Variants in CAPN3 observed in about 807,000 individuals in gnomAD.
The protein encoded by CAPN3 is calpain 3.
A neutral mutation model predicts 114.0 loss-of-function variants in CAPN3; 88 were observed. The ratio of observed to expected loss-of-function variants is 0.77; its 90% CI spans 0.65 to 0.92. The LOEUF (loss-of-function observed/expected upper bound fraction) is 0.92. CAPN3 is among the 40% of genes least tolerant of loss of function. The pLI, the probability that CAPN3 is intolerant of heterozygous loss-of-function variation, is 0.00. For missense variants in CAPN3, 1,028 were observed against 1,069.0 expected (o/e 0.96, Z 0.53); for synonymous variants, 386 against 382.9 (o/e 1.01, Z -0.09).
rs1595827007 is a variant in CAPN3, at chr15:42,392,862, C to T, written c.1029+140C>T. On this transcript the variant is annotated intron_variant, in intron 7 of 23. Transcript: ENST00000397163. ...CATTCAGTTCAAGGTCCAAGCCACGCCTGGGAGCAGAGGGGCCTGTGAAAC... is the reference window on the plus strand; with the variant it reads ...CATTCAGTTCAAGGTCCAAGCCACGTCTGGGAGCAGAGGGGCCTGTGAAAC... The T allele has an allele frequency of 1.8e-5, 12 of 657,290 alleles. No homozygotes were observed. In the East Asian group the frequency reaches 3.3e-4, roughly 18 times the overall value. 40.7% of individuals were successfully genotyped at this position (657,290 alleles called of 1,614,324 possible).
At chr15:42,402,758 G>A in intron 12 of CAPN3, 36 bp from the exon 13 acceptor site, 1 of 1,606,032 alleles carries the variant, frequency 6.2e-7, no homozygotes, top group Non-Finnish European at 8.5e-7. Context: ...TTCCTCCCGA[G>A]GGGCTCATGT....
At chr15:42,396,232 C>T (rs1307783280) in intron 8 of CAPN3, among the ~76,000 whole-genome samples, 1 of 150,992 alleles carries the variant, frequency 6.6e-6, no homozygotes, top group African/African-American at 2.5e-5. Context: ...TTGTCTATGT[C>T]CAGAACCCAT....
intron 1 of CAPN3, among the ~76,000 whole-genome samples, chr15:42,373,700 A>C (rs2053014535): frequency 6.6e-6 from 1 of 152,202 alleles, no homozygotes. Flanking sequence ...TTCCATCTGC[A>C]GTCAAGTTAC....
intron 3 of CAPN3, among the ~76,000 whole-genome samples, chr15:42,387,012 A>G (rs1398954636): frequency 6.6e-6 from 1 of 152,118 alleles, no homozygotes; most frequent in East Asian, 1.9e-4. Flanking sequence ...TCAGCACGGA[A>G]GGCCTCAGAA....
At chr15:42,399,427 G>T in intron 9 of CAPN3, 65 bp from the exon 10 acceptor site, 1 of 1,230,838 alleles carries the variant, frequency 8.1e-7, no homozygotes, top group Non-Finnish European at 1.2e-6. Context: ...TAGTCCTGGG[G>T]TCTTCCGTTC....
rs566163580 is a variant in CAPN3, at chr15:42,390,915, C to T, written c.945+819C>T. On this transcript the variant is annotated intron_variant, in intron 6 of 23. Coordinates refer to ENST00000397163, the MANE Select transcript of CAPN3 (RefSeq NM_000070.3). Reference sequence around the variant, plus strand: ...AACTAATTCTCCTGCCTCAGCCTCCCGACATAGCTGGGATTACAGGCACAC... The same window carrying T: ...AACTAATTCTCCTGCCTCAGCCTCCTGACATAGCTGGGATTACAGGCACAC... 1.2e-4 allele frequency among the ~76,000 whole-genome samples: 18 copies of T among 151,698 alleles called. No individual in the cohort carries two copies. In the East Asian group the frequency reaches 3.3e-3, roughly 28 times the overall value.
intron 6 of CAPN3, among the ~76,000 whole-genome samples, 180 bp from the exon 7 acceptor site, chr15:42,392,459 C>G (rs2053581701): frequency 6.6e-6 from 1 of 152,220 alleles, no homozygotes; most frequent in Non-Finnish European, 1.5e-5. Flanking sequence ...GGAGCTGTGT[C>G]TCTTGGCACT....
At chr15:42,392,503 T>C (rs920633862) in intron 6 of CAPN3, 136 bp from the exon 7 acceptor site, 15 of 706,456 alleles carry the variant, frequency 2.1e-5, no homozygotes, top group Admixed American at 1.6e-4. Context: ...TTCGTGGTCG[T>C]GAGGCACACT....
At chr15:42,410,200 C>T (rs2054167269) in intron 19 of CAPN3, among the ~76,000 whole-genome samples, 1 of 152,044 alleles carries the variant, frequency 6.6e-6, no homozygotes, top group African/African-American at 2.4e-5. Context: ...CTGCCCTAAC[C>T]CCTGTGCTTC....
Position 42,412,259 on chromosome 15 carries a change from T to TAA in CAPN3, c.*487_*488dup. On this transcript the variant is annotated 3_prime_UTR_variant, in exon 24 of 24. Coordinates refer to ENST00000397163, the MANE Select transcript of CAPN3 (RefSeq NM_000070.3). ...TGGTTACTTTGGGCTGTCCAACTCA[T>TAA]AAGTTTGGCTGCATTTTGAAAAAAG... 7.3e-7 allele frequency: 1 copy of TAA among 1,377,074 alleles called. No individual in the cohort carries two copies. Among genetic ancestry groups the TAA allele is most frequent in the Non-Finnish European group, 9.9e-7 (1 of 1,010,396 alleles). 85.3% of individuals were successfully genotyped at this position (1,377,074 alleles called of 1,614,324 possible). A position where few individuals can be genotyped will look rare whatever the true frequency, so the allele number is the denominator to read the frequency against.
chr15:42,361,462 A>AC (rs1158437089), intron 1 of CAPN3, among the ~76,000 whole-genome samples: 10 of 152,084 alleles, frequency 6.6e-5, no homozygotes, highest in African/African-American at 1.9e-4. Flanking sequence ...CAGGAGTGAG[A>AC]CCCAGTCTCA....
At chr15:42,376,716 C>T (rs147975382) in intron 1 of CAPN3, among the ~76,000 whole-genome samples, 1,611 of 152,252 alleles carry the variant, frequency 0.011, 26 homozygotes, top group African/African-American at 0.036. Flanking sequence ...CTGCTCATTG[C>T]TACCGGAGTG....
intron 1 of CAPN3, among the ~76,000 whole-genome samples, chr15:42,360,367 GAA>G (rs397962506): frequency 2.2e-5 from 3 of 136,638 alleles, no homozygotes; most frequent in Non-Finnish European, 1.6e-5. Context: ...CTTTCTCTCT[GAA>G]AAAAAAAAAA....
In CAPN3 at chr15:42,359,596, G is replaced by C; in HGVS notation, c.-210G>C. The C allele has an allele frequency of 7.7e-6, 11 of 1,421,328 alleles. No individual in the cohort carries two copies. In the East Asian group the frequency reaches 2.0e-4, roughly 26 times the overall value. The allele number at this position is 1,421,328 out of a possible 1,614,324, so 88.0% of individuals were successfully genotyped here. A position where few individuals can be genotyped will look rare whatever the true frequency, so the allele number is the denominator to read the frequency against. ...ATCCTTTAGCACTCATTTCTCAGGA[G>C]AACTTATGGCTTCAGAATCACAGCT... On this transcript the variant is annotated 5_prime_UTR_variant, in exon 1 of 24. Transcript: ENST00000397163.
intron 1 of CAPN3, 104 bp from the exon 2 acceptor site, chr15:42,384,379 T>A (rs1410577982): frequency 3.5e-6 from 3 of 848,438 alleles, no homozygotes; most frequent in Non-Finnish European, 2.0e-6. Flanking sequence ...ACCAGTGCAC[T>A]GCAGCCTGGC....
At position 42,404,897 on chromosome 15, in the gene CAPN3, G is replaced by T. The variant is rs996127371; in HGVS notation, c.1783-1029G>T. On this transcript the variant is annotated intron_variant, in intron 14 of 23. Transcript: ENST00000397163. The stretch of plus-strand genomic sequence containing the variant: ...TCTGGTCATCTGGATGCTGGTCATC[G>T]GTGTGCAGTATTGATCAGGACCTGC... 5 of 1,034,932 alleles carry T rather than the reference G, an allele frequency of 4.8e-6. No homozygotes were observed. In the Admixed American group the frequency reaches 2.5e-4, roughly 52 times the overall value. 64.1% of individuals were successfully genotyped at this position (1,034,932 alleles called of 1,614,324 possible).
chr15:42,398,710 TAC>T (rs1181394899), intron 9 of CAPN3, among the ~76,000 whole-genome samples: 8 of 141,152 alleles, frequency 5.7e-5, no homozygotes, highest in Non-Finnish European at 9.0e-5. Flanking sequence ...TGTGTATATA[TAC>T]ACACACACAC....
intron 10 of CAPN3, among the ~76,000 whole-genome samples, chr15:42,400,387 A>G (rs564738759): frequency 6.6e-6 from 1 of 152,292 alleles, no homozygotes; most frequent in South Asian, 2.1e-4. Context: ...GGGAAGGAAG[A>G]AGAATGATGT....
At position 42,359,707 on chromosome 15, in the gene CAPN3, C is replaced by A; in HGVS notation, c.-99C>A. ...ATGTGGACACTTTTCTCTCAGATGA[C>A]AGAATTACTCCAACTTCCCCTTTGC... On this transcript the variant is annotated 5_prime_UTR_variant, in exon 1 of 24. Coordinates refer to ENST00000397163, the MANE Select transcript of CAPN3 (RefSeq NM_000070.3). 6.9e-6 allele frequency: 11 copies of A among 1,590,246 alleles called. No homozygotes were observed. Among genetic ancestry groups the A allele is most frequent in the Non-Finnish European group, 9.4e-6 (11 of 1,170,616 alleles).
Sources: allele counts gnomAD v4.1 joint callset (sites outside exome capture counted in the v4.1 genomes callset), GRCh38; gene constraint gnomAD v4.1.1; transcripts MANE v1.5; gene names NCBI Gene and HGNC (gene_info 2026-07-23, HGNC 2026-07-21).